Variants in OSBPL9 observed in about 807,000 individuals in gnomAD.
The protein encoded by OSBPL9 is oxysterol-binding protein-related protein 9.
OSBPL9 carries 40 observed loss-of-function variants against 106.6 expected under a neutral mutation model. The observed-to-expected ratio is 0.38, with a 90% CI of 0.29 to 0.49. OSBPL9 has a LOEUF of 0.49. Ranked by LOEUF, OSBPL9 falls within the 20% of genes least tolerant of loss-of-function variation. The pLI, the probability that OSBPL9 is intolerant of heterozygous loss-of-function variation, is 0.97. For synonymous variants in OSBPL9, 269 were observed against 295.4 expected, an observed-to-expected ratio of 0.91 and a Z score of 0.92; for missense variants, 609 against 887.2, an observed-to-expected ratio of 0.69 and a Z score of 3.98.
At chr1:51,715,540 G>A (rs138201050) in intron 4 of OSBPL9, among the ~76,000 whole-genome samples, 1,617 of 152,154 alleles carry the variant, frequency 0.011, 16 homozygotes, top group Non-Finnish European at 0.015. Context: ...CACCCCGTGC[G>A]TTCTAGCAAT....
chr1:51,765,840 C>T lies in OSBPL9; in HGVS notation c.797C>T (p.Pro266Leu), dbSNP rs140080386. 71 of 1,613,198 alleles carry T rather than the reference C, an allele frequency of 4.4e-5. No individual in the cohort carries two copies. Among genetic ancestry groups the T allele is most frequent in the Non-Finnish European group, 5.4e-5 (64 of 1,179,730 alleles). ...PNSTGSGHSP[P>L]SSSLTSPSHV... ...TTCCTAGGCAGTGGCCATTCACCAC[C>T]GAGTAGCAGTCTCACTTCTCCAAGC... is the stretch of plus-strand genomic sequence containing the variant. Residue 266 changes from proline (P) to leucine (L), a missense_variant, in exon 12 of 24, where the codon CCG becomes CTG. By Grantham distance (98) the Pro-to-Leu change is moderately conservative (BLOSUM62 -3). Transcript: ENST00000428468.
chr1:51,776,186 T>C (rs538395036), intron 14 of OSBPL9, among the ~76,000 whole-genome samples: 48 of 152,346 alleles, frequency 3.2e-4, no homozygotes, highest in Middle Eastern at 3.4e-3. Context: ...CTTTAATTGC[T>C]CATTTAAAAG....
chr1:51,549,951 G>A, the OSBPL9 span, among the ~76,000 whole-genome samples: 1 of 152,204 alleles, frequency 6.6e-6, no homozygotes, highest in Admixed American at 6.5e-5. Flanking sequence ...ACAGCCTGGT[G>A]CAGTGGAAGG....
intron 3 of OSBPL9, chr1:51,710,073 G>A (rs1210341467): frequency 6.6e-6 from 1 of 152,180 alleles, no homozygotes; most frequent in Non-Finnish European, 1.5e-5. Flanking sequence ...TCTGTAGAGG[G>A]CTGAGGTAGG....
intron 15 of OSBPL9, among the ~76,000 whole-genome samples, chr1:51,779,635 A>C (rs1464838001): frequency 6.6e-6 from 1 of 152,166 alleles, no homozygotes; most frequent in South Asian, 2.1e-4. Context: ...TTCGCAAACT[A>C]TGCATCTGGC....
At chr1:51,570,903 C>T in the OSBPL9 span, among the ~76,000 whole-genome samples, 3 of 151,986 alleles carry the variant, frequency 2.0e-5, no homozygotes, top group Non-Finnish European at 4.4e-5. Flanking sequence ...CTCACTGCAA[C>T]CTCCGCCTCC....
At chr1:51,682,010 T>C (rs917545845) in intron 3 of OSBPL9, among the ~76,000 whole-genome samples, 15 of 151,980 alleles carry the variant, frequency 9.9e-5, no homozygotes, top group African/African-American at 3.6e-4. Context: ...GAAACCAGCC[T>C]GGGCAACATG....
the OSBPL9 span, among the ~76,000 whole-genome samples, chr1:51,560,351 C>T: frequency 6.6e-6 from 1 of 152,188 alleles, no homozygotes; most frequent in Admixed American, 6.5e-5. Context: ...TGCTCTTGGA[C>T]ATGTCGCTTG....
At chr1:51,769,564 AATT>A (rs1045716717) in intron 12 of OSBPL9, among the ~76,000 whole-genome samples, 4 of 152,204 alleles carry the variant, frequency 2.6e-5, no homozygotes, top group Admixed American at 6.5e-5. Flanking sequence ...GTACTCGATA[AATT>A]ATTATTATAA....
At chr1:51,564,191 G>C in the OSBPL9 span, among the ~76,000 whole-genome samples, 1 of 151,914 alleles carries the variant, frequency 6.6e-6, no homozygotes, top group Non-Finnish European at 1.5e-5. Flanking sequence ...CTATATGAAG[G>C]TCCAGCTCAG....
chr1:51,788,121 C>CA lies in OSBPL9; in HGVS notation c.*333dup. On this transcript the variant is annotated 3_prime_UTR_variant, in exon 24 of 24. Coordinates refer to ENST00000428468, the MANE Select transcript of OSBPL9 (RefSeq NM_024586.6). ...GCGCTCTAGTACTGCTGTTAAGATA[C>CA]ACAACTTGTTTCTTAGTTCATATAA... The CA allele has an allele frequency of 3.6e-6, 1 of 280,134 alleles. No individual in the cohort carries two copies. The highest frequency in any genetic ancestry group is 4.8e-5 in the Admixed American group (1 of 20,624). 17.4% of individuals were successfully genotyped at this position (280,134 alleles called of 1,614,324 possible). A position where few individuals can be genotyped will look rare whatever the true frequency, so the allele number is the denominator to read the frequency against.
At chr1:51,684,766 T>C (rs563043126) in intron 3 of OSBPL9, among the ~76,000 whole-genome samples, 7 of 152,298 alleles carry the variant, frequency 4.6e-5, no homozygotes, top group African/African-American at 1.7e-4. Context: ...ACTCCTGACC[T>C]CAAATGATCT....
intron 1 of OSBPL9, among the ~76,000 whole-genome samples, chr1:51,649,735 T>C (rs1407513793): frequency 6.9e-6 from 1 of 144,332 alleles, no homozygotes; most frequent in Non-Finnish European, 1.5e-5. Context: ...TACATGTTAG[T>C]CTTTTTTTTT....
At chr1:51,692,131 A>C (rs981961815) in intron 3 of OSBPL9, among the ~76,000 whole-genome samples, 3 of 152,110 alleles carry the variant, frequency 2.0e-5, no homozygotes, top group Non-Finnish European at 4.4e-5. Context: ...ACATAGCGAG[A>C]CCCTGTGTCT....
chr1:51,669,454 C>T lies in OSBPL9; in HGVS notation c.183C>T (p.Asp61=), dbSNP rs1300750152. 2.4e-5 allele frequency: 39 copies of T among 1,613,892 alleles called. No homozygotes were observed. Among genetic ancestry groups the T allele is most frequent in the Non-Finnish European group, 3.1e-5 (37 of 1,179,974 alleles). Residue 61 remains aspartate (D), a synonymous_variant, in exon 3 of 24, where the codon GAC becomes GAT. Transcript: ENST00000428468. ...VRLRGAVIGI[D]DEDDSTFTIT... is the part of the protein sequence containing the mutation. The stretch of plus-strand genomic sequence containing the variant: ...CACAGGGAGCTGTGATTGGTATAGA[C>T]GATGAGGACGACAGCACCTTCACAA...
the OSBPL9 span, among the ~76,000 whole-genome samples, chr1:51,557,716 G>A: frequency 6.6e-6 from 1 of 152,208 alleles, no homozygotes; most frequent in Non-Finnish European, 1.5e-5. Context: ...TCCTCGCTGA[G>A]TCCTCAGTGT....
intron 2 of OSBPL9, among the ~76,000 whole-genome samples, chr1:51,602,536 C>T (rs1645329897): frequency 1.3e-5 from 2 of 151,234 alleles, no homozygotes; most frequent in Admixed American, 1.3e-4. Context: ...GATCCTCCCA[C>T]CTCGGCCTCC....
At chr1:51,586,448 C>T (rs897628851) in intron 1 of OSBPL9, among the ~76,000 whole-genome samples, 1 of 151,990 alleles carries the variant, frequency 6.6e-6, no homozygotes, top group Non-Finnish European at 1.5e-5. Context: ...TAAATTGAGC[C>T]CTTACTGTTG....
At chr1:51,764,570 G>A (rs1008911355) in intron 11 of OSBPL9, among the ~76,000 whole-genome samples, 2 of 150,832 alleles carry the variant, frequency 1.3e-5, no homozygotes, top group Non-Finnish European at 3.0e-5. Context: ...AAATCCGTAA[G>A]TGACTCTGGA....
Sources: gnomAD v4.1 joint callset for allele counts (sites outside exome capture counted in the v4.1 genomes callset) on GRCh38, gnomAD v4.1.1 for gene constraint, MANE v1.5 for transcripts, NCBI Gene and HGNC (gene_info 2026-07-23, HGNC 2026-07-21) for gene names.